The following ZNF438 variants were observed in gnomAD, a reference collection of about 807,000 sequenced individuals.
The protein encoded by ZNF438 is zinc finger protein 438.
In ZNF438, 25 loss-of-function variants were observed where a neutral mutation model predicts 38.0. That is an observed-to-expected ratio of 0.66 (90% CI 0.48 to 0.92). The LOEUF is 0.92. Among genes scored for constraint, ZNF438 ranks in the 40% least tolerant of loss-of-function variants. The probability of loss-of-function intolerance (pLI) is 0.00; values close to 1 mark genes in which losing one functional copy is unlikely to be tolerated. For synonymous variants in ZNF438, 372 were observed against 364.1 expected (o/e 1.02, Z -0.25); for missense variants, 1,007 against 999.6 (o/e 1.01, Z -0.10).
chr10:31,015,875 AAGAG>A (rs1330859906), intron 1 of ZNF438, among the ~76,000 whole-genome samples: 1 of 152,120 alleles, frequency 6.6e-6, no homozygotes, highest in Non-Finnish European at 1.5e-5. Context: ...CACAGGTGAA[AAGAG>A]AGCTCTGGTA....
intron 4 of ZNF438, among the ~76,000 whole-genome samples, chr10:30,859,317 A>G (rs1487850178): frequency 6.6e-6 from 1 of 152,142 alleles, no homozygotes; most frequent in Admixed American, 6.5e-5. Context: ...GACTTAAGCA[A>G]TCCACCTGCC....
intron 4 of ZNF438, among the ~76,000 whole-genome samples, chr10:30,862,489 A>G (rs1259077307): frequency 1.3e-5 from 2 of 152,014 alleles, no homozygotes; most frequent in Non-Finnish European, 1.5e-5. Context: ...ATTTTTTTGT[A>G]GAGTTGAAGT....
intron 1 of ZNF438, among the ~76,000 whole-genome samples, chr10:30,949,943 C>T (rs1014217575): frequency 6.6e-6 from 1 of 152,324 alleles, no homozygotes; most frequent in South Asian, 2.1e-4. Context: ...ACAGAATATA[C>T]ATTTTTTTTC....
intron 2 of ZNF438, among the ~76,000 whole-genome samples, chr10:30,925,095 G>C (rs1312334670): frequency 6.6e-6 from 1 of 152,086 alleles, no homozygotes; most frequent in Non-Finnish European, 1.5e-5. Flanking sequence ...TTGAGTCCTA[G>C]GAGCTTTCTA....
At chr10:30,966,286 T>C (rs549061491) in intron 1 of ZNF438, among the ~76,000 whole-genome samples, 1 of 152,096 alleles carries the variant, frequency 6.6e-6, no homozygotes, top group Non-Finnish European at 1.5e-5. Context: ...GCTATGATCA[T>C]GCCACTGTAC....
chr10:30,956,701 T>G (rs1191035979), intron 1 of ZNF438, among the ~76,000 whole-genome samples: 1 of 152,230 alleles, frequency 6.6e-6, no homozygotes. Flanking sequence ...CCATGTTCAC[T>G]GCAAATGATA....
chr10:30,933,483 T>C (rs2045908594), intron 2 of ZNF438, among the ~76,000 whole-genome samples: 1 of 152,208 alleles, frequency 6.6e-6, no homozygotes, highest in Non-Finnish European at 1.5e-5. Context: ...CCAGGCATCA[T>C]GACTTGCACC....
At chr10:30,909,533 A>G (rs182152307) in intron 2 of ZNF438, among the ~76,000 whole-genome samples, 2 of 152,336 alleles carry the variant, frequency 1.3e-5, no homozygotes, top group African/African-American at 2.4e-5. Context: ...ATCTCAGGAA[A>G]TAACTTTTTA....
intron 1 of ZNF438, among the ~76,000 whole-genome samples, chr10:30,973,706 G>A (rs560021541): frequency 1.3e-5 from 2 of 152,224 alleles, no homozygotes; most frequent in East Asian, 3.9e-4. Flanking sequence ...GAAGAAAAGC[G>A]ACCAAAGCCC....
chr10:30,874,232 T>A (rs1383909636), intron 4 of ZNF438, among the ~76,000 whole-genome samples: 1 of 149,852 alleles, frequency 6.7e-6, no homozygotes, highest in East Asian at 2.0e-4. Context: ...CACTGCAGCC[T>A]CAAACTCCTA....
At chr10:30,859,474 G>A (rs745738205) in intron 4 of ZNF438, among the ~76,000 whole-genome samples, 2 of 152,158 alleles carry the variant, frequency 1.3e-5, no homozygotes, top group Non-Finnish European at 2.9e-5. Context: ...ACCTCTGCAT[G>A]CTGACTGTAA....
chr10:31,007,648 T>C (rs1340545473), intron 1 of ZNF438, among the ~76,000 whole-genome samples: 1 of 152,226 alleles, frequency 6.6e-6, no homozygotes, highest in Non-Finnish European at 1.5e-5. Context: ...AATACACAGG[T>C]AAAATGAACT....
At chr10:30,967,766 C>G (rs1216162218) in intron 1 of ZNF438, among the ~76,000 whole-genome samples, 3 of 152,144 alleles carry the variant, frequency 2.0e-5, no homozygotes, top group Non-Finnish European at 4.4e-5. Flanking sequence ...CCTACAAGAT[C>G]ACCTGGGACA....
chr10:31,015,097 A>G (rs2056080313), intron 1 of ZNF438, among the ~76,000 whole-genome samples: 2 of 152,186 alleles, frequency 1.3e-5, no homozygotes, highest in Non-Finnish European at 2.9e-5. Context: ...ACCTGGCTTC[A>G]AGCGATCCTC....
chr10:30,852,317 T>C (rs2033808596), intron 4 of ZNF438, among the ~76,000 whole-genome samples: 1 of 151,856 alleles, frequency 6.6e-6, no homozygotes, highest in Non-Finnish European at 1.5e-5. Flanking sequence ...CAAGTGATTC[T>C]CCTGCCTCAA....
intron 1 of ZNF438, among the ~76,000 whole-genome samples, chr10:31,031,212 C>G (rs1283607897): frequency 6.6e-6 from 1 of 152,190 alleles, no homozygotes; most frequent in Non-Finnish European, 1.5e-5. Context: ...TCAGAATAAC[C>G]AAGTGTCTGT....
At chr10:30,887,359 A>C (rs12254116) in intron 3 of ZNF438, among the ~76,000 whole-genome samples, 65,285 of 151,886 alleles carry the variant, frequency 0.43, 14,488 homozygotes, top group Non-Finnish European at 0.47. Flanking sequence ...CCCCTCCTCT[A>C]AGGGACTGTA....
chr10:30,865,508 A>C (rs554378752), intron 4 of ZNF438, among the ~76,000 whole-genome samples: 1 of 152,366 alleles, frequency 6.6e-6, no homozygotes, highest in Admixed American at 6.5e-5. Flanking sequence ...CATTTCTTAG[A>C]TACTTCTTAA....
At chr10:30,922,128 G>A (rs183427514) in intron 2 of ZNF438, among the ~76,000 whole-genome samples, 41 of 152,264 alleles carry the variant, frequency 2.7e-4, no homozygotes, top group Non-Finnish European at 4.7e-4. Context: ...AATACACAGT[G>A]AGGACATTTT....
Sources: gnomAD v4.1 joint callset for allele counts (sites outside exome capture counted in the v4.1 genomes callset) on GRCh38, gnomAD v4.1.1 for gene constraint, MANE v1.5 for transcripts, NCBI Gene and HGNC (gene_info 2026-07-23, HGNC 2026-07-21) for gene names.